MEIS1: variants seen among roughly 807,000 people sequenced by gnomAD.
The protein encoded by MEIS1 is homeobox protein Meis1.
A neutral mutation model predicts 50.8 loss-of-function variants in MEIS1; 5 were observed. The observed-to-expected ratio is 0.10, with a 90% confidence interval of 0.05 to 0.21. MEIS1 has a LOEUF of 0.21. Ranked by LOEUF, MEIS1 falls within the 10% of genes least tolerant of loss-of-function variation. MEIS1 has a pLI of 1.00. For missense variants in MEIS1, 318 were observed against 517.3 expected, an observed-to-expected ratio of 0.61 and a Z score of 3.74; for synonymous variants, 176 against 179.3, an observed-to-expected ratio of 0.98 and a Z score of 0.15.
At chr2:66,458,780 C>A (rs1462343143) in intron 6 of MEIS1, among the ~76,000 whole-genome samples, 2 of 152,010 alleles carry the variant, frequency 1.3e-5, no homozygotes, top group East Asian at 3.9e-4. Context: ...TGTGTAAGTG[C>A]AAGTATGTGA....
At chr2:66,515,661 G>A (rs950644969) in intron 8 of MEIS1, among the ~76,000 whole-genome samples, 8 of 152,158 alleles carry the variant, frequency 5.3e-5, no homozygotes, top group African/African-American at 1.4e-4. Flanking sequence ...AGAAATTTCA[G>A]TGAGGTAAAT....
At chr2:66,451,850 G>A (rs1316641078) in intron 6 of MEIS1, among the ~76,000 whole-genome samples, 5 of 151,786 alleles carry the variant, frequency 3.3e-5, no homozygotes. Flanking sequence ...AGCTAGTGCA[G>A]GTGGGCTATT....
At chr2:66,564,460 A>G (rs1400406982) in intron 9 of MEIS1, among the ~76,000 whole-genome samples, 1 of 152,234 alleles carries the variant, frequency 6.6e-6, no homozygotes, top group Admixed American at 6.5e-5. Flanking sequence ...TCAGGAGGAC[A>G]TAGACAAAGA....
intron 7 of MEIS1, among the ~76,000 whole-genome samples, chr2:66,487,274 A>G (rs1673165749): frequency 6.6e-6 from 1 of 152,202 alleles, no homozygotes. Context: ...GCAGAAAAAT[A>G]GAACAAGTTG....
intron 7 of MEIS1, among the ~76,000 whole-genome samples, chr2:66,483,308 A>G (rs1164550687): frequency 1.3e-5 from 2 of 151,594 alleles, no homozygotes; most frequent in African/African-American, 4.9e-5. Flanking sequence ...CCTGAGCTCA[A>G]GCTATCCTCC....
At chr2:66,567,838 A>G (rs1290551411) in intron 10 of MEIS1, 4 of 546,102 alleles carry the variant, frequency 7.3e-6, no homozygotes, top group South Asian at 2.2e-5. Context: ...TACTATGACC[A>G]CTCCCTGGTG....
intron 3 of MEIS1, 52 bp downstream of exon 3, chr2:66,440,036 T>G: frequency 6.7e-7 from 1 of 1,490,032 alleles, no homozygotes; most frequent in Non-Finnish European, 8.9e-7. Context: ...GAGCCCCCCC[T>G]TCGCCAACAC....
intron 6 of MEIS1, 192 bp downstream of exon 6, chr2:66,443,240 C>A: frequency 1.7e-6 from 1 of 583,026 alleles, no homozygotes; most frequent in Non-Finnish European, 2.8e-6. Context: ...GGGATTCGAC[C>A]TGAAGAGATG....
intron 9 of MEIS1, chr2:66,562,172 C>T (rs765753034): frequency 6.7e-6 from 1 of 149,576 alleles, no homozygotes; most frequent in Non-Finnish European, 1.5e-5. Context: ...TGTTTTGGCT[C>T]CTAACAGATG....
intron 8 of MEIS1, among the ~76,000 whole-genome samples, chr2:66,542,077 A>G (rs1336268095): frequency 1.3e-5 from 2 of 152,210 alleles, no homozygotes; most frequent in African/African-American, 4.8e-5. Flanking sequence ...AAGTTTATTT[A>G]AAGTGGGAGA....
Position 66,487,402 on chromosome 2 carries a change from C to T in MEIS1, c.742+23182C>T, listed in dbSNP as rs12466505. 4.1e-3 allele frequency among the ~76,000 whole-genome samples: 629 copies of T among 152,234 alleles called. 2 individuals carry two copies. The highest frequency in any genetic ancestry group is 7.0e-3 in the Non-Finnish European group (473 of 68,010). On this transcript the variant is annotated intron_variant, in intron 7 of 12. Transcript: ENST00000272369. ...TATGTATATATTACCATGTGTTCTTCATCAGTGAAAAAAGAATATTTAGGA... is the reference window on the plus strand; with the variant it reads ...TATGTATATATTACCATGTGTTCTTTATCAGTGAAAAAAGAATATTTAGGA...
intron 9 of MEIS1, among the ~76,000 whole-genome samples, chr2:66,560,608 A>G (rs1675190063): frequency 6.6e-6 from 1 of 151,820 alleles, no homozygotes; most frequent in Non-Finnish European, 1.5e-5. Flanking sequence ...GAAAGAAAAG[A>G]AAAGAAAATT....
intron 6 of MEIS1, among the ~76,000 whole-genome samples, chr2:66,463,563 C>T (rs1387261099): frequency 6.6e-6 from 1 of 152,158 alleles, no homozygotes; most frequent in East Asian, 1.9e-4. Flanking sequence ...TTGTTATTCT[C>T]ATTCCTTTTT....
rs1386755796 is a variant in MEIS1, at chr2:66,437,805, G to A, written c.81G>A (p.Pro27=). The A allele has an allele frequency of 3.1e-6, 5 of 1,613,772 alleles. No homozygotes were observed. The highest frequency in any genetic ancestry group is 4.2e-6 in the Non-Finnish European group (5 of 1,179,884). ...TCCCCTCCACGATGTATGGGGACCCGCATGCAGCCAGGTCCATGCAGCCGG... is the reference window on the plus strand; with the variant it reads ...TCCCCTCCACGATGTATGGGGACCCACATGCAGCCAGGTCCATGCAGCCGG... ...VGIPSTMYGD[P]HAARSMQPVH... is the part of the protein sequence containing the mutation. The change falls in exon 2 of 13, where the codon CCG becomes CCA. Residue 27 remains proline, a synonymous_variant. Coordinates refer to ENST00000272369, the MANE Select transcript of MEIS1 (RefSeq NM_002398.3).
chr2:66,570,517 G>A (rs912291593), intron 12 of MEIS1: 1 of 152,166 alleles, frequency 6.6e-6, no homozygotes, highest in Non-Finnish European at 1.5e-5. Flanking sequence ...TATTCACAGT[G>A]CACTATTACT....
intron 7 of MEIS1, among the ~76,000 whole-genome samples, chr2:66,473,397 A>AAAAAAATATATATATATATAT: frequency 7.4e-5 from 8 of 107,578 alleles, no homozygotes; most frequent in African/African-American, 4.1e-4. Flanking sequence ...AAAAAAAAAA[A>AAAAAAATATATATATATATAT]ATATATATAT....
Position 66,517,978 on chromosome 2 carries a change from AAGG to A in MEIS1, c.888+5687_888+5689del, listed in dbSNP as rs551906427. ...ATGATCATTGTGAATTAGAAGATCA[AAGG>A]AGAAGCATCAGCCTGTTCTCCACAT... On this transcript the variant is annotated intron_variant, in intron 8 of 12. Coordinates refer to ENST00000272369, the MANE Select transcript of MEIS1 (RefSeq NM_002398.3). 7.9e-5 allele frequency among the ~76,000 whole-genome samples: 12 copies of A among 152,316 alleles called. No individual in the cohort carries two copies. The East Asian group carries it at 2.3e-3, about 29-fold the overall frequency.
chr2:66,452,623 G>C (rs1012615422), intron 6 of MEIS1, among the ~76,000 whole-genome samples: 4 of 151,892 alleles, frequency 2.6e-5, no homozygotes, highest in African/African-American at 9.7e-5. Flanking sequence ...AATTGATCTT[G>C]ATGATAAATT....
chr2:66,568,631 A>G (rs1234830272), intron 10 of MEIS1, 36 bp from the exon 11 acceptor site: 2 of 1,510,952 alleles, frequency 1.3e-6, no homozygotes, highest in South Asian at 1.1e-5. Context: ...GCTCTCAGAG[A>G]CTGTTATTAA....
Sources: gnomAD v4.1 joint callset for allele counts (sites outside exome capture counted in the v4.1 genomes callset) on GRCh38, gnomAD v4.1.1 for gene constraint, MANE v1.5 for transcripts, NCBI Gene and HGNC (gene_info 2026-07-23, HGNC 2026-07-21) for gene names.